CHL1: variants seen among roughly 807,000 people sequenced by gnomAD.
CHL1 encodes cell adhesion molecule L1 like.
CHL1 carries 96 observed loss-of-function variants against 141.9 expected under a neutral mutation model. That is an observed-to-expected ratio of 0.68 (90% CI 0.57 to 0.80). CHL1 has a LOEUF of 0.80. Among genes scored for constraint, CHL1 ranks in the 30% least tolerant of loss-of-function variants. The probability of loss-of-function intolerance (pLI) is 0.00; values close to 1 mark genes in which losing one functional copy is unlikely to be tolerated. For missense variants in CHL1, 1,820 were observed against 1,457.2 expected (o/e 1.25, Z -4.05); for synonymous variants, 613 against 502.2 (o/e 1.22, Z -2.95).
At chr3:315,537 T>A (rs1700094316) in intron 2 of CHL1, among the ~76,000 whole-genome samples, 1 of 152,170 alleles carries the variant, frequency 6.6e-6, no homozygotes, top group South Asian at 2.1e-4. Flanking sequence ...ATCAAGGGGA[T>A]CTATGTGGTC....
chr3:199,500 G>T (rs529451201), intron 1 of CHL1, among the ~76,000 whole-genome samples: 2 of 152,324 alleles, frequency 1.3e-5, no homozygotes, highest in African/African-American at 4.8e-5. Context: ...TGTACACTTC[G>T]TGGGCCTAGC....
At chr3:226,036 T>G (rs555048976) in intron 1 of CHL1, among the ~76,000 whole-genome samples, 1 of 151,732 alleles carries the variant, frequency 6.6e-6, no homozygotes, top group East Asian at 2.0e-4. Context: ...AATCTTAACT[T>G]TTTTTGAGAG....
intron 2 of CHL1, among the ~76,000 whole-genome samples, chr3:265,050 C>T (rs760107555): frequency 7.9e-5 from 12 of 152,250 alleles, no homozygotes; most frequent in African/African-American, 1.2e-4. Flanking sequence ...TCCCACACTA[C>T]TACTGCTAAG....
At chr3:258,061 A>G (rs536585670) in intron 2 of CHL1, among the ~76,000 whole-genome samples, 2 of 152,266 alleles carry the variant, frequency 1.3e-5, no homozygotes, top group Admixed American at 1.3e-4. Flanking sequence ...GGAAGGCTGA[A>G]AGAGGACAGT....
chr3:365,704 C>G (rs1704789924), intron 14 of CHL1, among the ~76,000 whole-genome samples: 2 of 152,076 alleles, frequency 1.3e-5, no homozygotes, highest in African/African-American at 4.8e-5. Flanking sequence ...TACTCCCTTC[C>G]CCAAGAAATA....
Position 354,691 on chromosome 3 carries a change from G to T in CHL1, c.1085G>T (p.Ser362Ile), listed in dbSNP as rs377116247. ...CAGAGTGCTGTGTATAGCACCGGAA[G>T]CAATGGCATCTTGTTATGTGAGGCT... ...KPQSAVYSTGSNGILLCEAEG... is the reference protein window; with the variant it reads ...KPQSAVYSTGINGILLCEAEG... The change falls in exon 11 of 28, where the codon AGC becomes ATC. Residue 362 changes from serine to isoleucine, a missense_variant. Transcript: ENST00000256509. The T allele has an allele frequency of 2.0e-5, 32 of 1,614,040 alleles. No individual in the cohort carries two copies. The African/African-American group carries it at 4.3e-4, about 22-fold the overall frequency.
chr3:403,767 C>A (rs1445554604), intron 27 of CHL1, among the ~76,000 whole-genome samples: 1 of 152,144 alleles, frequency 6.6e-6, no homozygotes, highest in Non-Finnish European at 1.5e-5. Context: ...ACCTCTTTCC[C>A]CCAAACTACA....
intron 2 of CHL1, among the ~76,000 whole-genome samples, chr3:277,345 A>C (rs934979116): frequency 6.6e-6 from 1 of 152,230 alleles, no homozygotes; most frequent in East Asian, 1.9e-4. Context: ...TAAAAAAGCA[A>C]AATAAAGAGC....
At chr3:391,631 T>C (rs1708235634) in intron 22 of CHL1, 44 bp from the exon 23 acceptor site, 1 of 1,469,756 alleles carries the variant, frequency 6.8e-7, no homozygotes, top group South Asian at 1.2e-5. Context: ...TTTTTTGAAT[T>C]TTTCTAATTG....
chr3:338,446 T>C (rs543351001), intron 5 of CHL1, among the ~76,000 whole-genome samples: 17 of 152,332 alleles, frequency 1.1e-4, no homozygotes, highest in Admixed American at 6.5e-5. Flanking sequence ...AATGGAGTCA[T>C]TTCTTTATCT....
chr3:206,405 G>A (rs2124862669), intron 1 of CHL1, among the ~76,000 whole-genome samples: 1 of 152,142 alleles, frequency 6.6e-6, no homozygotes, highest in South Asian at 2.1e-4. Flanking sequence ...GGCGGAGGTT[G>A]CAGTGAGCCT....
At chr3:243,799 A>C (rs1692897010) in intron 1 of CHL1, among the ~76,000 whole-genome samples, 1 of 152,230 alleles carries the variant, frequency 6.6e-6, no homozygotes, top group African/African-American at 2.4e-5. Flanking sequence ...AATGAGTTAG[A>C]ATTATTACAT....
chr3:240,844 A>G (rs891646986), intron 1 of CHL1, among the ~76,000 whole-genome samples: 2 of 128,804 alleles, frequency 1.6e-5, no homozygotes, highest in African/African-American at 5.1e-5. Context: ...ATCATTTGTT[A>G]AATAGGGTGT....
At chr3:280,381 G>C (rs1696533803) in intron 2 of CHL1, among the ~76,000 whole-genome samples, 1 of 152,054 alleles carries the variant, frequency 6.6e-6, no homozygotes, top group South Asian at 2.1e-4. Flanking sequence ...TACTAGAAAA[G>C]AGAATCTGTG....
chr3:320,641 C>T (rs986843161), intron 3 of CHL1, among the ~76,000 whole-genome samples: 2 of 151,894 alleles, frequency 1.3e-5, no homozygotes, highest in Non-Finnish European at 2.9e-5. Context: ...GTGCAATGAT[C>T]ACACCTGCGA....
intron 1 of CHL1, among the ~76,000 whole-genome samples, chr3:214,901 A>G (rs981347442): frequency 2.6e-5 from 4 of 152,154 alleles, no homozygotes; most frequent in African/African-American, 9.6e-5. Flanking sequence ...AACAGTGACA[A>G]GGTATAATTT....
In CHL1 at chr3:340,799, C is replaced by G. The variant is rs755774924; in HGVS notation, c.391C>G (p.Pro131Ala). The G allele has an allele frequency of 6.2e-7, 1 of 1,606,182 alleles. No individual in the cohort carries two copies. The highest frequency in any genetic ancestry group is 8.5e-7 in the Non-Finnish European group (1 of 1,175,152). ...AAAATGATTTTTTACACCAGGTGTT[C>G]CAAAATTCCCAAAAGAAAAAATTGA... Reference protein sequence around the residue: ...EEIEFIVPSVPKFPKEKIDPL... With the variant: ...EEIEFIVPSVAKFPKEKIDPL... The change falls in exon 6 of 28, where the codon CCA (proline) becomes GCA (alanine). Residue 131 changes from proline (P) to alanine (A), a missense_variant. Pro to Ala is a conservative substitution (Grantham distance 27, BLOSUM62 -1). Coordinates refer to ENST00000256509, the MANE Select transcript of CHL1 (RefSeq NM_006614.4).
chr3:198,575 TA>T (rs1203072226), intron 1 of CHL1, among the ~76,000 whole-genome samples: 5 of 152,218 alleles, frequency 3.3e-5, no homozygotes, highest in African/African-American at 1.2e-4. Context: ...CGATACCCTC[TA>T]TACTGGGTTG....
At chr3:275,290 T>TTTA (rs1311539035) in intron 2 of CHL1, among the ~76,000 whole-genome samples, 3 of 152,254 alleles carry the variant, frequency 2.0e-5, no homozygotes, top group Non-Finnish European at 4.4e-5. Context: ...AAATAATTTA[T>TTTA]TTATTCAAAC....
Sources: gnomAD v4.1 joint callset for allele counts (sites outside exome capture counted in the v4.1 genomes callset) on GRCh38, gnomAD v4.1.1 for gene constraint, MANE v1.5 for transcripts, NCBI Gene and HGNC (gene_info 2026-07-23, HGNC 2026-07-21) for gene names.